MBNL2: variants seen among roughly 807,000 people sequenced by gnomAD.
MBNL2 encodes muscleblind-like protein 2.
A neutral mutation model predicts 41.9 loss-of-function variants in MBNL2; 17 were observed. The observed-to-expected ratio is 0.41, with a 90% CI of 0.28 to 0.61. MBNL2 has a LOEUF of 0.61. Among genes scored for constraint, MBNL2 ranks in the 20% least tolerant of loss-of-function variants. MBNL2 has a pLI of 0.35. For synonymous variants in MBNL2, 195 were observed against 182.9 expected (o/e 1.07, Z -0.53); for missense variants, 336 against 505.6 (o/e 0.66, Z 3.22).
intron 1 of MBNL2, among the ~76,000 whole-genome samples, chr13:97,274,340 T>C (rs1005018382): frequency 6.6e-6 from 1 of 152,132 alleles, no homozygotes; most frequent in Admixed American, 6.5e-5. Context: ...CTACTAAAAA[T>C]ACAAAAATTA....
chr13:97,155,822 G>T, the MBNL2 span, among the ~76,000 whole-genome samples: 2 of 150,902 alleles, frequency 1.3e-5, no homozygotes, highest in Non-Finnish European at 3.0e-5. Context: ...TTGGTTCCAA[G>T]TCTTTGCTAT....
the MBNL2 span, among the ~76,000 whole-genome samples, chr13:97,187,763 C>T: frequency 3.3e-5 from 5 of 151,782 alleles, no homozygotes; most frequent in African/African-American, 4.8e-5. Context: ...AAAAATTAGC[C>T]GGGAGAGGTG....
the MBNL2 span, among the ~76,000 whole-genome samples, chr13:97,175,316 AGGTG>A: frequency 6.6e-6 from 1 of 152,132 alleles, no homozygotes; most frequent in Non-Finnish European, 1.5e-5. Flanking sequence ...TATCCTTCAT[AGGTG>A]TCTCCCCCAG....
chr13:97,330,820 T>TA (rs2060372570), intron 2 of MBNL2, among the ~76,000 whole-genome samples: 1 of 152,230 alleles, frequency 6.6e-6, no homozygotes, highest in Admixed American at 6.5e-5. Context: ...ATTAGGATTT[T>TA]ACAATCCTAT....
chr13:97,181,145 A>T, the MBNL2 span, among the ~76,000 whole-genome samples: 1 of 145,862 alleles, frequency 6.9e-6, no homozygotes, highest in Non-Finnish European at 1.5e-5. Context: ...CCCTTCTGTG[A>T]CCCTTCTGAC....
intron 2 of MBNL2, among the ~76,000 whole-genome samples, chr13:97,311,340 A>C (rs2058592935): frequency 6.6e-6 from 1 of 152,192 alleles, no homozygotes; most frequent in South Asian, 2.1e-4. Flanking sequence ...TTGTTCACCA[A>C]GGTTCTAACT....
At chr13:97,351,919 G>T (rs967847661) in intron 5 of MBNL2, among the ~76,000 whole-genome samples, 4 of 152,042 alleles carry the variant, frequency 2.6e-5, no homozygotes, top group Non-Finnish European at 5.9e-5. Flanking sequence ...GCTACTCGAA[G>T]AGCTGAGGCA....
intron 1 of MBNL2, among the ~76,000 whole-genome samples, chr13:97,242,025 C>T (rs992696272): frequency 6.6e-6 from 1 of 152,066 alleles, no homozygotes; most frequent in Non-Finnish European, 1.5e-5. Context: ...AGGACACTTC[C>T]GATGCCTTCT....
chr13:97,363,801 A>T (rs191347840), intron 7 of MBNL2, among the ~76,000 whole-genome samples: 15 of 152,288 alleles, frequency 9.8e-5, no homozygotes, highest in African/African-American at 3.4e-4. Flanking sequence ...GCAGTAGCCC[A>T]GTTAAATAGC....
intron 2 of MBNL2, among the ~76,000 whole-genome samples, chr13:97,330,246 G>A (rs1189372703): frequency 3.9e-5 from 6 of 152,204 alleles, no homozygotes; most frequent in Non-Finnish European, 8.8e-5. Flanking sequence ...GATGAGCAAA[G>A]GCCCTGAGGG....
In MBNL2 at chr13:97,393,994, A is replaced by AT. The variant is rs1266398741; in HGVS notation, c.*2547dup. 1 of 152,598 alleles carries AT rather than the reference A, an allele frequency of 6.6e-6. No homozygotes were observed. Among genetic ancestry groups the AT allele is most frequent in the East Asian group, 1.9e-4 (1 of 5,198 alleles). The allele number at this position is 152,598 out of a possible 1,614,324, so 9.5% of individuals were successfully genotyped here. A position where few individuals can be genotyped will look rare whatever the true frequency, so the allele number is the denominator to read the frequency against. Reference sequence around the variant, plus strand: ...TAAATCTTTCTGTAACACTTAAAGAATTCCCTCATTCATTACCTTACAGTG... The same window carrying AT: ...TAAATCTTTCTGTAACACTTAAAGAATTTCCCTCATTCATTACCTTACAGTG... On this transcript the variant is annotated 3_prime_UTR_variant, in exon 9 of 9. Transcript: ENST00000679496.
the MBNL2 span, among the ~76,000 whole-genome samples, chr13:97,202,404 T>G: frequency 1.3e-5 from 2 of 152,212 alleles, no homozygotes; most frequent in Non-Finnish European, 1.5e-5. Context: ...ATCTGCCAAT[T>G]ACCGGTACTC....
chr13:97,242,228 T>A (rs373325257), intron 1 of MBNL2, among the ~76,000 whole-genome samples: 39 of 152,254 alleles, frequency 2.6e-4, no homozygotes, highest in Middle Eastern at 3.4e-3. Context: ...TTCTTCTTTG[T>A]GCTTTAGGGT....
At chr13:97,289,410 C>T (rs2055357565) in intron 2 of MBNL2, among the ~76,000 whole-genome samples, 3 of 151,980 alleles carry the variant, frequency 2.0e-5, no homozygotes, top group Admixed American at 2.0e-4. Flanking sequence ...TAAAATTAAT[C>T]AGTAGCAGCC....
intron 5 of MBNL2, among the ~76,000 whole-genome samples, chr13:97,348,457 T>C (rs1291633559): frequency 6.6e-6 from 1 of 152,180 alleles, no homozygotes; most frequent in Non-Finnish European, 1.5e-5. Flanking sequence ...TTAATTTGTT[T>C]TCATGTGAGC....
At chr13:97,187,593 TAA>T in the MBNL2 span, among the ~76,000 whole-genome samples, 1,720 of 51,012 alleles carry the variant, frequency 0.034, 15 homozygotes, top group African/African-American at 0.053. Context: ...CTATGCAGCT[TAA>T]AAAAAAAAAA....
chr13:97,164,116 C>T, the MBNL2 span, among the ~76,000 whole-genome samples: 1 of 152,224 alleles, frequency 6.6e-6, no homozygotes, highest in Non-Finnish European at 1.5e-5. Context: ...AGGTGATCCT[C>T]CCACCTCAGC....
the MBNL2 span, among the ~76,000 whole-genome samples, chr13:97,179,153 A>G: frequency 3.3e-5 from 5 of 152,084 alleles, no homozygotes; most frequent in African/African-American, 7.2e-5. Flanking sequence ...CCTTAACGTA[A>G]TGCACCACTT....
At chr13:97,329,962 C>A (rs1169855886) in intron 2 of MBNL2, among the ~76,000 whole-genome samples, 1 of 152,296 alleles carries the variant, frequency 6.6e-6, no homozygotes, top group East Asian at 1.9e-4. Context: ...GACCCTCTCC[C>A]ACCATTCCTT....
Sources: gnomAD v4.1 joint callset for allele counts (sites outside exome capture counted in the v4.1 genomes callset) on GRCh38, gnomAD v4.1.1 for gene constraint, MANE v1.5 for transcripts, NCBI Gene and HGNC (gene_info 2026-07-23, HGNC 2026-07-21) for gene names.